The following CNTNAP2 variants were observed in gnomAD, a reference collection of about 807,000 sequenced individuals.
CNTNAP2 encodes contactin associated protein 2.
CNTNAP2 carries 98 observed loss-of-function variants against 155.2 expected under a neutral mutation model. That is an observed-to-expected ratio of 0.63 (90% CI 0.54 to 0.75). CNTNAP2 has a LOEUF of 0.75. Among genes scored for constraint, CNTNAP2 ranks in the 30% least tolerant of loss-of-function variants. CNTNAP2 has a pLI of 0.00. For missense variants in CNTNAP2, 1,727 were observed against 1,688.1 expected (o/e 1.02, Z -0.40); for synonymous variants, 651 against 631.2 (o/e 1.03, Z -0.47).
intron 12 of CNTNAP2, among the ~76,000 whole-genome samples, chr7:147,614,326 T>C (rs1801243050): frequency 6.6e-6 from 1 of 152,180 alleles, no homozygotes; most frequent in Admixed American, 6.5e-5. Context: ...TTCCAGTCTT[T>C]GAATATGGAA....
At chr7:147,407,788 T>C (rs1008562565) in intron 10 of CNTNAP2, among the ~76,000 whole-genome samples, 1 of 152,172 alleles carries the variant, frequency 6.6e-6, no homozygotes, top group South Asian at 2.1e-4. Context: ...AAAACCACTA[T>C]CAGCTGCGTG....
At chr7:146,564,897 A>G (rs1037735050) in intron 1 of CNTNAP2, among the ~76,000 whole-genome samples, 7 of 152,236 alleles carry the variant, frequency 4.6e-5, no homozygotes, top group African/African-American at 1.4e-4. Flanking sequence ...ATCTCTTATT[A>G]TACATATTCT....
chr7:148,077,630 C>A (rs1434624014), intron 15 of CNTNAP2, among the ~76,000 whole-genome samples: 8 of 152,072 alleles, frequency 5.3e-5, no homozygotes, highest in Non-Finnish European at 1.2e-4. Flanking sequence ...GAAAATCTTT[C>A]TTTTTTTCGG....
At chr7:146,543,902 C>T (rs1372720482) in intron 1 of CNTNAP2, among the ~76,000 whole-genome samples, 2 of 151,950 alleles carry the variant, frequency 1.3e-5, no homozygotes, top group East Asian at 3.9e-4. Context: ...AAAAACCACT[C>T]CTTGGGAATT....
At chr7:148,222,587 C>CT (rs1795771229) in intron 19 of CNTNAP2, among the ~76,000 whole-genome samples, 1 of 47,036 alleles carries the variant, frequency 2.1e-5, no homozygotes, top group Non-Finnish European at 4.9e-5. Flanking sequence ...TCATTCCATT[C>CT]ATGAGGACAG....
chr7:146,656,386 T>C (rs1799996163), intron 1 of CNTNAP2, among the ~76,000 whole-genome samples: 1 of 152,186 alleles, frequency 6.6e-6, no homozygotes, highest in South Asian at 2.1e-4. Context: ...AGAAATCAGG[T>C]GTATTAAAAA....
intron 1 of CNTNAP2, among the ~76,000 whole-genome samples, chr7:146,169,492 T>C (rs1798358512): frequency 6.6e-6 from 1 of 152,198 alleles, no homozygotes; most frequent in Non-Finnish European, 1.5e-5. Flanking sequence ...GTTACCTTAT[T>C]TTTTGTGATG....
intron 22 of CNTNAP2, among the ~76,000 whole-genome samples, chr7:148,384,750 G>C (rs1266817541): frequency 6.6e-6 from 1 of 152,146 alleles, no homozygotes; most frequent in Admixed American, 6.6e-5. Flanking sequence ...AGGAGGCCTG[G>C]ATTCCAGCAC....
At chr7:146,279,234 A>G (rs984464523) in intron 1 of CNTNAP2, among the ~76,000 whole-genome samples, 4 of 152,278 alleles carry the variant, frequency 2.6e-5, no homozygotes, top group South Asian at 2.1e-4. Context: ...TGTTTAAAAT[A>G]TAAGTATTGC....
intron 8 of CNTNAP2, among the ~76,000 whole-genome samples, chr7:147,201,671 C>T (rs1003702039): frequency 1.3e-5 from 2 of 152,102 alleles, no homozygotes; most frequent in African/African-American, 4.8e-5. Flanking sequence ...AAGATAAACT[C>T]GGAGAAGCTT....
intron 3 of CNTNAP2, among the ~76,000 whole-genome samples, chr7:146,911,012 T>A (rs1796262972): frequency 6.6e-6 from 1 of 151,616 alleles, no homozygotes. Context: ...AACAGACACT[T>A]CTCAAGAGAA....
At chr7:148,128,074 T>G (rs1447153899) in intron 16 of CNTNAP2, among the ~76,000 whole-genome samples, 7 of 152,226 alleles carry the variant, frequency 4.6e-5, no homozygotes, top group African/African-American at 1.7e-4. Flanking sequence ...TTCGCCATAT[T>G]GCCCAGGCTG....
intron 1 of CNTNAP2, among the ~76,000 whole-genome samples, chr7:146,419,627 T>C (rs1795984389): frequency 1.3e-5 from 2 of 152,224 alleles, no homozygotes; most frequent in African/African-American, 4.8e-5. Flanking sequence ...TAGACATTTT[T>C]CAAAAGAAGA....
chr7:146,290,392 G>T (rs1024430821), intron 1 of CNTNAP2, among the ~76,000 whole-genome samples: 3 of 152,150 alleles, frequency 2.0e-5, no homozygotes, highest in Non-Finnish European at 4.4e-5. Context: ...CATGAAGACA[G>T]AACTCAGAAA....
chr7:147,058,959 T>G (rs1417532014), intron 4 of CNTNAP2, among the ~76,000 whole-genome samples: 1 of 152,134 alleles, frequency 6.6e-6, no homozygotes, highest in African/African-American at 2.4e-5. Context: ...TGATTGTGTG[T>G]TTTTTTGCAC....
chr7:148,398,517 T>C (rs976498311), intron 22 of CNTNAP2, among the ~76,000 whole-genome samples: 4 of 152,258 alleles, frequency 2.6e-5, no homozygotes, highest in Non-Finnish European at 2.9e-5. Context: ...TTCAGCCATT[T>C]CCAAAGGGTC....
chr7:146,959,241 A>C (rs1257631642), intron 3 of CNTNAP2, among the ~76,000 whole-genome samples: 1 of 151,898 alleles, frequency 6.6e-6, no homozygotes. Flanking sequence ...GCTGGTTTCA[A>C]ACTCCCGACA....
chr7:147,273,989 G>A (rs1392416082), intron 8 of CNTNAP2, among the ~76,000 whole-genome samples: 1 of 146,552 alleles, frequency 6.8e-6, no homozygotes, highest in East Asian at 2.0e-4. Context: ...ATGTTATGTA[G>A]TATATATTAC....
At chr7:148,375,297 AATAT>A (rs1798962647) in intron 21 of CNTNAP2, among the ~76,000 whole-genome samples, 3 of 148,108 alleles carry the variant, frequency 2.0e-5, no homozygotes, top group Non-Finnish European at 3.0e-5. Context: ...CAACTATATA[AATAT>A]ATAAACTATA....
Sources: gnomAD v4.1 joint callset for allele counts (sites outside exome capture counted in the v4.1 genomes callset) on GRCh38, gnomAD v4.1.1 for gene constraint, MANE v1.5 for transcripts, NCBI Gene and HGNC (gene_info 2026-07-23, HGNC 2026-07-21) for gene names.